Variants in PUM1 observed in about 807,000 individuals in gnomAD.
The protein encoded by PUM1 is pumilio RNA binding family member 1.
Under a neutral mutation model 131.8 loss-of-function variants are expected in PUM1, and 13 were observed. The observed-to-expected ratio is 0.10, with a 90% CI of 0.06 to 0.16. The LOEUF (loss-of-function observed/expected upper bound fraction) is 0.16, where lower values mean the gene tolerates loss of function less well. PUM1 is among the 10% of genes least tolerant of loss of function. PUM1 has a pLI of 1.00. For missense variants in PUM1, 961 were observed against 1,512.4 expected (o/e 0.64, Z 6.05); for synonymous variants, 509 against 556.5 (o/e 0.91, Z 1.20).
rs200337775 is a variant in PUM1 at position 30,947,467 on chromosome 1, C to CT, written c.2857-1985dup. On this transcript the variant is annotated intron_variant, in intron 17 of 21. Coordinates refer to ENST00000426105, the MANE Select transcript of PUM1 (RefSeq NM_001020658.2). ...AGGAAGTAAATGAAATGGCCAGAAA[C>CT]TGAGTCTGTGAGTAGGAAATGGGTG... Among the ~76,000 whole-genome samples the CT allele has an allele frequency of 8.2e-3, 1,247 of 152,304 alleles. 21 individuals carry two copies. The highest frequency in any genetic ancestry group is 0.029 in the African/African-American group (1,197 of 41,564).
At chr1:31,054,307 C>A (rs1644184115) in intron 2 of PUM1, among the ~76,000 whole-genome samples, 2 of 151,764 alleles carry the variant, frequency 1.3e-5, no homozygotes, top group African/African-American at 4.8e-5. Context: ...GCCTCGGCAA[C>A]AGGAGTGAAA....
chr1:30,992,643 C>T lies in PUM1; in HGVS notation c.905G>A (p.Cys302Tyr), dbSNP rs1178298297. 1.4e-5 allele frequency: 23 copies of T among 1,613,422 alleles called. No individual in the cohort carries two copies. Among genetic ancestry groups the T allele is most frequent in the Non-Finnish European group, 1.7e-5 (20 of 1,179,610 alleles). Reference protein sequence around the residue: ...VKDFSRTPGNCQNSANEVDLL... With the variant: ...VKDFSRTPGNYQNSANEVDLL... ...ATCCACTTCATTAGCAGAGTTCTGG[C>T]AATTACCAGGGGTACGGCTAAACAG... Residue 302 changes from cysteine to tyrosine, a missense_variant, in exon 7 of 22, where the codon TGC becomes TAC. By Grantham distance (194) the Cys-to-Tyr change is radical. Coordinates refer to ENST00000426105, the MANE Select transcript of PUM1 (RefSeq NM_001020658.2).
At position 30,953,751 on chromosome 1, in the gene PUM1, G is replaced by A. The variant is rs1434806501; in HGVS notation, c.2554C>T (p.His852Tyr). The A allele has an allele frequency of 3.1e-6, 5 of 1,614,070 alleles. No homozygotes were observed. The highest frequency in any genetic ancestry group is 4.2e-6 in the Non-Finnish European group (5 of 1,180,040). ...PNLQLREIAGHIMEFSQDQHG... is the reference protein window; with the variant it reads ...PNLQLREIAGYIMEFSQDQHG... ...TGGTCTTGGGAAAATTCCATTATAT[G>A]TCCAGCAATCTCCCGCAGTTGTAAA... Residue 852 changes from histidine to tyrosine, a missense_variant, in exon 15 of 22, where the codon CAT (histidine) becomes TAT (tyrosine). Coordinates refer to ENST00000426105, the MANE Select transcript of PUM1 (RefSeq NM_001020658.2).
chr1:30,966,404 C>T, intron 12 of PUM1, 126 bp from the exon 13 acceptor site: 2 of 954,960 alleles, frequency 2.1e-6, no homozygotes, highest in Non-Finnish European at 1.5e-6. Context: ...ACAAACCATA[C>T]AAATCTGTCT....
At chr1:30,950,990 G>C (rs1455282530) in intron 16 of PUM1, among the ~76,000 whole-genome samples, 2 of 152,080 alleles carry the variant, frequency 1.3e-5, no homozygotes, top group Non-Finnish European at 2.9e-5. Context: ...GTTGGGAGGG[G>C]AAAAATCAGT....
At chr1:30,991,423 TATCA>T (rs1327896544) in intron 7 of PUM1, among the ~76,000 whole-genome samples, 1 of 152,248 alleles carries the variant, frequency 6.6e-6, no homozygotes, top group Admixed American at 6.5e-5. Flanking sequence ...CTTTTTACTC[TATCA>T]ATCAAAATTC....
chr1:31,023,885 C>A (rs575228827), intron 3 of PUM1, among the ~76,000 whole-genome samples: 1 of 146,192 alleles, frequency 6.8e-6, no homozygotes, highest in African/African-American at 2.6e-5. Flanking sequence ...GCCAAGATCG[C>A]GCCACACTTC....
rs1320151774 is a variant in PUM1, at chr1:30,974,672, C to T, written c.1485G>A (p.Gln495=). The part of the protein sequence containing the change: ...TNSANQQTTP[Q]AQQGQQQVLR... ...TTACCTGCTGCTGTCCTTGCTGAGC[C>T]TGTGGGGTGGTCTGTTGATTAGCTG... The change falls in exon 10 of 22, where the codon CAG becomes CAA. Residue 495 remains glutamine, a synonymous_variant. Coordinates refer to ENST00000426105, the MANE Select transcript of PUM1 (RefSeq NM_001020658.2). 1 of 1,608,954 alleles carries T rather than the reference C, an allele frequency of 6.2e-7. No individual in the cohort carries two copies. Among genetic ancestry groups the T allele is most frequent in the Non-Finnish European group, 8.5e-7 (1 of 1,178,252 alleles).
intron 19 of PUM1, among the ~76,000 whole-genome samples, 164 bp from the exon 20 acceptor site, chr1:30,941,436 T>C (rs577633843): frequency 3.3e-4 from 51 of 152,348 alleles, no homozygotes; most frequent in African/African-American, 1.1e-3. Context: ...AACGTTCTTC[T>C]CTATTATTAC....
chr1:30,958,546 T>G (rs1052472295), intron 14 of PUM1, among the ~76,000 whole-genome samples: 1 of 152,114 alleles, frequency 6.6e-6, no homozygotes, highest in Admixed American at 6.6e-5. Context: ...GGAGAAGCAT[T>G]CTAAGAAATG....
chr1:30,938,592 C>T (rs891064559), intron 20 of PUM1, among the ~76,000 whole-genome samples: 7 of 151,420 alleles, frequency 4.6e-5, no homozygotes, highest in East Asian at 4.0e-4. Flanking sequence ...CAGCCGGGCA[C>T]GGTGGCTGAC....
At chr1:31,037,279 C>T (rs1643641185) in intron 2 of PUM1, 1 of 152,394 alleles carries the variant, frequency 6.6e-6, no homozygotes, top group African/African-American at 2.4e-5. Context: ...TACAATCACT[C>T]CTGTTGATAT....
intron 3 of PUM1, among the ~76,000 whole-genome samples, chr1:31,021,007 T>C (rs184235094): frequency 2.0e-5 from 3 of 152,304 alleles, no homozygotes; most frequent in Admixed American, 1.3e-4. Flanking sequence ...CTAAACATCA[T>C]TATGTCTGGT....
chr1:31,038,636 G>T (rs1351776687), intron 2 of PUM1, among the ~76,000 whole-genome samples: 1 of 152,078 alleles, frequency 6.6e-6, no homozygotes, highest in Non-Finnish European at 1.5e-5. Context: ...TACTGCTAGA[G>T]CTAGGTTCTT....
intron 20 of PUM1, among the ~76,000 whole-genome samples, chr1:30,939,262 G>C (rs1048889606): frequency 1.3e-5 from 2 of 152,164 alleles, no homozygotes; most frequent in African/African-American, 4.8e-5. Flanking sequence ...CAGTTAACTT[G>C]GCTATAGTCA....
At chr1:30,950,085 G>T (rs763637222) in intron 17 of PUM1, 42 bp downstream of exon 17, 1 of 1,593,992 alleles carries the variant, frequency 6.3e-7, no homozygotes, top group South Asian at 1.1e-5. Context: ...GTACCATGGA[G>T]AAACATCAAA....
chr1:30,941,049 A>AAAC (rs3838989), intron 20 of PUM1, 102 bp downstream of exon 20: 121 of 1,346,932 alleles, frequency 9.0e-5, no homozygotes, highest in Middle Eastern at 2.3e-4. Context: ...TATACTTTGA[A>AAAC]AACAACAACA....
At chr1:31,035,486 T>C (rs529200151) in intron 2 of PUM1, among the ~76,000 whole-genome samples, 19 of 152,182 alleles carry the variant, frequency 1.2e-4, no homozygotes, top group African/African-American at 4.3e-4. Context: ...GCGCAGTGGC[T>C]CACACCTATA....
At chr1:31,051,650 T>C (rs1274173011) in intron 2 of PUM1, among the ~76,000 whole-genome samples, 1 of 151,928 alleles carries the variant, frequency 6.6e-6, no homozygotes, top group Admixed American at 6.6e-5. Flanking sequence ...AATTATCTCC[T>C]ATAGGCTGTC....
Sources: gnomAD v4.1 joint callset for allele counts (sites outside exome capture counted in the v4.1 genomes callset) on GRCh38, gnomAD v4.1.1 for gene constraint, MANE v1.5 for transcripts, NCBI Gene and HGNC (gene_info 2026-07-23, HGNC 2026-07-21) for gene names.